The following GLG1 variants were observed in gnomAD, a reference collection of about 807,000 sequenced individuals.
GLG1 encodes Golgi apparatus protein 1.
Under a neutral mutation model 160.5 loss-of-function variants are expected in GLG1, and 38 were observed. The ratio of observed to expected loss-of-function variants is 0.24; its 90% CI spans 0.18 to 0.31. The LOEUF (loss-of-function observed/expected upper bound fraction) is 0.31, where lower values mean the gene tolerates loss of function less well. Ranked by LOEUF, GLG1 falls within the 10% of genes least tolerant of loss-of-function variation. The probability of loss-of-function intolerance (pLI) is 1.00; values close to 1 mark genes in which losing one functional copy is unlikely to be tolerated. For missense variants in GLG1, 1,373 were observed against 1,505.2 expected (o/e 0.91, Z 1.45); for synonymous variants, 644 against 543.4 (o/e 1.19, Z -2.57).
At chr16:74,494,424 T>G (rs2016110032) in intron 6 of GLG1, among the ~76,000 whole-genome samples, 1 of 77,854 alleles carries the variant, frequency 1.3e-5, no homozygotes, top group African/African-American at 5.5e-5. Context: ...TTTTTTTTTT[T>G]GAGACAGAGT....
intron 1 of GLG1, among the ~76,000 whole-genome samples, chr16:74,569,779 C>T (rs1424931038): frequency 6.7e-6 from 1 of 150,212 alleles, no homozygotes; most frequent in Non-Finnish European, 1.5e-5. Context: ...AGGAGAATCA[C>T]TTGAACCTGG....
At chr16:74,539,091 G>A (rs1443836191) in intron 1 of GLG1, among the ~76,000 whole-genome samples, 3 of 150,110 alleles carry the variant, frequency 2.0e-5, no homozygotes, top group East Asian at 2.0e-4. Flanking sequence ...GGGACCCCAT[G>A]ACAATCACTC....
In GLG1 at chr16:74,522,340, A is replaced by G. The variant is rs117925135; in HGVS notation, c.471+9781T>C. 5.4e-4 allele frequency among the ~76,000 whole-genome samples: 83 copies of G among 152,374 alleles called. 3 individuals are homozygous for G. In the East Asian group the frequency reaches 0.016, roughly 29 times the overall value. ...ATGCTTTAGCTAATACTGCCAAGCC[A>G]GCTTTGAAAGCACTAGCTGTGCTAA... On this transcript the variant is annotated intron_variant, in intron 2 of 25. Transcript: ENST00000422840.
At chr16:74,484,088 C>T (rs1409323094) in intron 9 of GLG1, among the ~76,000 whole-genome samples, 1 of 152,082 alleles carries the variant, frequency 6.6e-6, no homozygotes, top group South Asian at 2.1e-4. Flanking sequence ...CCCCTGCCCC[C>T]TCTTTGCTTG....
At chr16:74,467,607 G>T in intron 18 of GLG1, 149 bp downstream of exon 18, 1 of 574,298 alleles carries the variant, frequency 1.7e-6, no homozygotes, top group Non-Finnish European at 3.1e-6. Context: ...TTTAAGAAGG[G>T]ATTAGGTTGG....
At chr16:74,600,746 A>AAAAAAAAAC (rs1567551049) in intron 1 of GLG1, among the ~76,000 whole-genome samples, 12 of 149,766 alleles carry the variant, frequency 8.0e-5, no homozygotes, top group Admixed American at 6.7e-5. Context: ...AAAAAAAAAA[A>AAAAAAAAAC]AAAAAAAACA....
intron 1 of GLG1, among the ~76,000 whole-genome samples, chr16:74,551,880 T>C (rs12448026): frequency 0.27 from 41,092 of 150,832 alleles, 6,077 homozygotes; most frequent in Middle Eastern, 0.35. Context: ...TCCAAGTAGA[T>C]ACAACAGAAG....
chr16:74,596,651 C>T (rs565177676), intron 1 of GLG1, among the ~76,000 whole-genome samples: 31 of 152,364 alleles, frequency 2.0e-4, no homozygotes, highest in African/African-American at 6.7e-4. Flanking sequence ...ACTAGCTGCA[C>T]GTGGCTGATG....
At chr16:74,587,840 G>A (rs1216506705) in intron 1 of GLG1, among the ~76,000 whole-genome samples, 2 of 152,150 alleles carry the variant, frequency 1.3e-5, no homozygotes, top group Non-Finnish European at 2.9e-5. Flanking sequence ...TGGCGACACA[G>A]TGAGACTCCG....
chr16:74,557,344 T>C lies in GLG1; in HGVS notation c.439-25191A>G, dbSNP rs192866325. 3.3e-5 allele frequency among the ~76,000 whole-genome samples: 5 copies of C among 152,206 alleles called. No individual in the cohort carries two copies. In the East Asian group the frequency reaches 9.6e-4, roughly 29 times the overall value. ...GCTGTGAGACTCAATTAAAGGAAAA[T>C]TTTAATCATAGAGGTCTTTAGATAG... On this transcript the variant is annotated intron_variant, in intron 1 of 25. Transcript: ENST00000422840.
intron 1 of GLG1, among the ~76,000 whole-genome samples, chr16:74,594,971 G>C (rs1237854002): frequency 3.3e-5 from 5 of 150,814 alleles, no homozygotes; most frequent in Non-Finnish European, 7.4e-5. Context: ...GGCAGATCAC[G>C]AGGTCAGGAG....
chr16:74,543,182 G>C (rs1224275033), intron 1 of GLG1, among the ~76,000 whole-genome samples: 9 of 152,166 alleles, frequency 5.9e-5, no homozygotes, highest in African/African-American at 1.4e-4. Context: ...GAAGAGTACA[G>C]CTTGGATTCA....
At chr16:74,508,569 G>A (rs989882536) in intron 3 of GLG1, among the ~76,000 whole-genome samples, 4 of 152,172 alleles carry the variant, frequency 2.6e-5, no homozygotes, top group African/African-American at 7.2e-5. Context: ...ATGTGTGAGA[G>A]TAGCACTGAT....
At chr16:74,477,571 A>T (rs1364793850) in intron 11 of GLG1, 38 bp from the exon 12 acceptor site, 1 of 1,565,058 alleles carries the variant, frequency 6.4e-7, no homozygotes, top group Non-Finnish European at 8.7e-7. Context: ...TTGAAAGGTA[A>T]CAAAACAAAA....
At chr16:74,477,799 C>A (rs1204640896) in intron 11 of GLG1, among the ~76,000 whole-genome samples, 2 of 151,774 alleles carry the variant, frequency 1.3e-5, no homozygotes, top group African/African-American at 4.8e-5. Flanking sequence ...CATGGAGAAA[C>A]CCTGTCTCTA....
intron 1 of GLG1, among the ~76,000 whole-genome samples, chr16:74,534,327 A>G (rs1290413937): frequency 6.6e-6 from 1 of 152,096 alleles, no homozygotes; most frequent in Non-Finnish European, 1.5e-5. Flanking sequence ...GCTTTTTCTT[A>G]GACAGTTTTC....
intron 1 of GLG1, among the ~76,000 whole-genome samples, chr16:74,561,359 A>G (rs2018509558): frequency 6.6e-6 from 1 of 152,206 alleles, no homozygotes; most frequent in Admixed American, 6.5e-5. Flanking sequence ...ATTTTCTTTA[A>G]GCTCTTTACA....
At chr16:74,567,349 C>A (rs1216844392) in intron 1 of GLG1, among the ~76,000 whole-genome samples, 2 of 152,174 alleles carry the variant, frequency 1.3e-5, no homozygotes, top group African/African-American at 4.8e-5. Context: ...AATAGTTTCA[C>A]TGAAATTTGT....
At chr16:74,502,533 G>C (rs2143451297) in intron 4 of GLG1, among the ~76,000 whole-genome samples, 1 of 151,798 alleles carries the variant, frequency 6.6e-6, no homozygotes, top group South Asian at 2.1e-4. Context: ...CAGCCAGTGT[G>C]CTAAGTAATT....
Sources: allele counts gnomAD v4.1 joint callset (sites outside exome capture counted in the v4.1 genomes callset), GRCh38; gene constraint gnomAD v4.1.1; transcripts MANE v1.5; gene names NCBI Gene and HGNC (gene_info 2026-07-23, HGNC 2026-07-21).